Variants in ST6GALNAC3 observed in about 807,000 individuals in gnomAD.
ST6GALNAC3 encodes ST6 N-acetylgalactosaminide alpha-2,6-sialyltransferase 3, also known as alpha-N-acetylgalactosaminide alpha-2,6-sialyltransferase 3.
Under a neutral mutation model 32.7 loss-of-function variants are expected in ST6GALNAC3, and 25 were observed. The ratio of observed to expected loss-of-function variants is 0.76; its 90% confidence interval spans 0.56 to 1.07. ST6GALNAC3 has a LOEUF of 1.07. ST6GALNAC3 is among the 50% of genes least tolerant of loss of function. The pLI is 0.00. For synonymous variants in ST6GALNAC3, 129 were observed against 133.1 expected, an observed-to-expected ratio of 0.97 and a Z score of 0.21; for missense variants, 355 against 382.4, an observed-to-expected ratio of 0.93 and a Z score of 0.60.
chr1:76,085,233 A>G (rs1286555713), intron 1 of ST6GALNAC3, among the ~76,000 whole-genome samples: 1 of 152,246 alleles, frequency 6.6e-6, no homozygotes, highest in Non-Finnish European at 1.5e-5. Context: ...GCACAAAGGC[A>G]GATTTGAGAA....
intron 1 of ST6GALNAC3, among the ~76,000 whole-genome samples, chr1:76,131,869 G>A (rs1258554179): frequency 6.6e-6 from 1 of 152,106 alleles, no homozygotes; most frequent in Non-Finnish European, 1.5e-5. Context: ...TATTCCTGCA[G>A]GTGACCCTGG....
chr1:76,285,934 G>A (rs1324396214), intron 1 of ST6GALNAC3, among the ~76,000 whole-genome samples: 6 of 139,896 alleles, frequency 4.3e-5, no homozygotes, highest in South Asian at 2.6e-4. Context: ...ATCTGGACCC[G>A]CCCCACCAAC....
At chr1:76,517,627 T>G (rs992122618) in intron 3 of ST6GALNAC3, among the ~76,000 whole-genome samples, 13 of 151,966 alleles carry the variant, frequency 8.6e-5, no homozygotes, top group African/African-American at 2.7e-4. Context: ...TTTACTTTCT[T>G]TGTTGTTTAT....
intron 3 of ST6GALNAC3, among the ~76,000 whole-genome samples, chr1:76,494,974 G>A (rs1660763027): frequency 6.6e-6 from 1 of 152,108 alleles, no homozygotes; most frequent in African/African-American, 2.4e-5. Context: ...CCAGCTCAAG[G>A]CAGTCAGGCA....
At chr1:76,591,434 G>A (rs1485606071) in intron 3 of ST6GALNAC3, among the ~76,000 whole-genome samples, 2 of 152,120 alleles carry the variant, frequency 1.3e-5, no homozygotes, top group Admixed American at 1.3e-4. Flanking sequence ...CTCTGATGAT[G>A]TGCCTGTATT....
At chr1:76,269,272 T>G (rs1410960793) in intron 1 of ST6GALNAC3, among the ~76,000 whole-genome samples, 2 of 152,202 alleles carry the variant, frequency 1.3e-5, no homozygotes, top group Non-Finnish European at 2.9e-5. Flanking sequence ...TTAGGGATTG[T>G]ATGGAGTATA....
chr1:76,110,251 T>A (rs1571170594), intron 1 of ST6GALNAC3, among the ~76,000 whole-genome samples: 1 of 152,368 alleles, frequency 6.6e-6, no homozygotes, highest in East Asian at 1.9e-4. Context: ...CTATACCTTT[T>A]ACACCTTACT....
intron 3 of ST6GALNAC3, among the ~76,000 whole-genome samples, chr1:76,486,150 G>A (rs1458517811): frequency 2.0e-5 from 3 of 152,136 alleles, no homozygotes; most frequent in Admixed American, 6.6e-5. Flanking sequence ...CCAACTATGT[G>A]GTCAATTTTG....
At chr1:76,536,113 A>G (rs886074939) in intron 3 of ST6GALNAC3, among the ~76,000 whole-genome samples, 6 of 152,184 alleles carry the variant, frequency 3.9e-5, no homozygotes, top group Admixed American at 3.3e-4. Flanking sequence ...TATAAGCTAG[A>G]AATTTTTGGA....
intron 1 of ST6GALNAC3, among the ~76,000 whole-genome samples, chr1:76,085,013 A>G (rs959488316): frequency 1.3e-5 from 2 of 152,212 alleles, no homozygotes; most frequent in Non-Finnish European, 2.9e-5. Context: ...AGGGTCAGCA[A>G]ACTACCTCCT....
chr1:76,369,921 CAA>C (rs2101076450), intron 2 of ST6GALNAC3, among the ~76,000 whole-genome samples: 1 of 152,260 alleles, frequency 6.6e-6, no homozygotes, highest in South Asian at 2.1e-4. Context: ...TTTCTCTATT[CAA>C]AGAGCTAGCT....
At chr1:76,256,015 A>AACAC (rs10635688) in intron 1 of ST6GALNAC3, among the ~76,000 whole-genome samples, 3,593 of 148,514 alleles carry the variant, frequency 0.024, 146 homozygotes, top group African/African-American at 0.081. Context: ...TGTCAGTGGT[A>AACAC]ACACACACAC....
chr1:76,577,234 T>G, intron 3 of ST6GALNAC3: 1 of 1,013,762 alleles, frequency 9.9e-7, no homozygotes. Context: ...TTCTCTGTTT[T>G]GATTACAGGA....
chr1:76,342,383 CTT>C (rs1186937377), intron 2 of ST6GALNAC3, among the ~76,000 whole-genome samples: 1 of 152,070 alleles, frequency 6.6e-6, no homozygotes, highest in Non-Finnish European at 1.5e-5. Context: ...TGTTTCCTGA[CTT>C]TTTAATGATC....
intron 1 of ST6GALNAC3, among the ~76,000 whole-genome samples, chr1:76,160,877 C>T (rs1197179988): frequency 7.8e-6 from 1 of 128,280 alleles, no homozygotes; most frequent in Non-Finnish European, 1.7e-5. Flanking sequence ...ATCTTACTTG[C>T]TCTATACTTC....
chr1:76,352,103 A>G (rs1485773097), intron 2 of ST6GALNAC3, among the ~76,000 whole-genome samples: 1 of 152,190 alleles, frequency 6.6e-6, no homozygotes, highest in Non-Finnish European at 1.5e-5. Flanking sequence ...GACAATAATG[A>G]AAAAAGAAAA....
At chr1:76,376,925 C>A (rs986381116) in intron 2 of ST6GALNAC3, among the ~76,000 whole-genome samples, 6 of 152,002 alleles carry the variant, frequency 3.9e-5, no homozygotes, top group African/African-American at 1.5e-4. Context: ...TTAGTGGTTA[C>A]TCTAGGTATT....
chr1:76,412,359 A>C lies in ST6GALNAC3; in HGVS notation c.565A>C (p.Thr189Pro). ...TCCGAATGCCCAAATATACGTGACC[A>C]CAGAGAAGCGCATGAGTTACTGTGA... Reference protein sequence around the residue: ...IYPNAQIYVTTEKRMSYCDGV... With the variant: ...IYPNAQIYVTPEKRMSYCDGV... The change falls in exon 3 of 5, where the codon ACA (threonine) becomes CCA (proline). Residue 189 changes from threonine (T) to proline (P), a missense_variant. Transcript: ENST00000328299. The C allele has an allele frequency of 1.2e-6, 2 of 1,613,394 alleles. No individual in the cohort carries two copies. Among genetic ancestry groups the C allele is most frequent in the Non-Finnish European group, 1.7e-6 (2 of 1,179,620 alleles).
chr1:76,484,375 G>A (rs538814372), intron 3 of ST6GALNAC3, among the ~76,000 whole-genome samples: 1,647 of 152,238 alleles, frequency 0.011, 17 homozygotes, highest in Middle Eastern at 0.044. Context: ...TCTTCCATTT[G>A]TTTGTGTCCT....
Sources: allele counts gnomAD v4.1 joint callset (sites outside exome capture counted in the v4.1 genomes callset), GRCh38; gene constraint gnomAD v4.1.1; transcripts MANE v1.5; gene names NCBI Gene and HGNC (gene_info 2026-07-23, HGNC 2026-07-21).